The following ARMC9 variants were observed in gnomAD, a reference collection of about 807,000 sequenced individuals.
ARMC9 encodes lisH domain-containing protein ARMC9.
ARMC9 carries 94 observed loss-of-function variants against 107.0 expected under a neutral mutation model. The observed-to-expected ratio is 0.88, with a 90% CI of 0.74 to 1.04. The LOEUF is 1.04. ARMC9 is among the 50% of genes least tolerant of loss of function. ARMC9 has a pLI of 0.00. For synonymous variants in ARMC9, 380 were observed against 396.9 expected, an observed-to-expected ratio of 0.96 and a Z score of 0.51; for missense variants, 942 against 1,030.1, an observed-to-expected ratio of 0.91 and a Z score of 1.17.
In ARMC9 at chr2:231,259,002, A is replaced by T; in HGVS notation, c.926A>T (p.Asp309Val). Residue 309 changes from aspartate (D) to valine (V), a missense_variant, in exon 11 of 25, where the codon GAT (aspartate) becomes GTT (valine). Physicochemically the swap from Asp to Val is radical, Grantham distance 152. Coordinates refer to ENST00000611582, the MANE Select transcript of ARMC9 (RefSeq NM_001352754.2). ...RASLAPVKLK[D>V]VPLLPSLDYE... is the part of the protein sequence containing the mutation. Reference sequence around the variant, plus strand: ...GTGTTGCTGAGTAGGAAATTGAAGGATGTCCCATTACTGCCCTCCTTGGAT... The same window carrying T: ...GTGTTGCTGAGTAGGAAATTGAAGGTTGTCCCATTACTGCCCTCCTTGGAT... 6.2e-7 allele frequency: 1 copy of T among 1,613,484 alleles called. No homozygotes were observed. The highest frequency in any genetic ancestry group is 2.2e-5 in the East Asian group (1 of 44,884).
chr2:231,349,473 T>C (rs1243658105), intron 21 of ARMC9, among the ~76,000 whole-genome samples: 2 of 151,948 alleles, frequency 1.3e-5, no homozygotes, highest in Non-Finnish European at 2.9e-5. Flanking sequence ...AGAAGGTTAA[T>C]GGTGCCAAAA....
At chr2:231,245,863 C>T (rs566191692) in intron 9 of ARMC9, among the ~76,000 whole-genome samples, 1 of 152,308 alleles carries the variant, frequency 6.6e-6, no homozygotes, top group African/African-American at 2.4e-5. Context: ...AATGCAGAGA[C>T]ACTGGAGAAA....
At chr2:231,320,052 G>A (rs769657089) in intron 19 of ARMC9, among the ~76,000 whole-genome samples, 21 of 152,018 alleles carry the variant, frequency 1.4e-4, no homozygotes, top group Non-Finnish European at 8.8e-5. Flanking sequence ...TTGTTTACTG[G>A]CTTGCTTTTT....
At chr2:231,344,610 G>A (rs2125583045) in intron 20 of ARMC9, among the ~76,000 whole-genome samples, 1 of 152,300 alleles carries the variant, frequency 6.6e-6, no homozygotes, top group Admixed American at 6.5e-5. Flanking sequence ...TACTGCGCAT[G>A]TGGAAATGTT....
intron 19 of ARMC9, among the ~76,000 whole-genome samples, chr2:231,313,919 C>G (rs1290239870): frequency 6.7e-6 from 1 of 149,744 alleles, no homozygotes; most frequent in Non-Finnish European, 1.5e-5. Flanking sequence ...CCACTTCTGC[C>G]TAATTTTTTT....
chr2:231,361,014 A>C (rs1449903374), intron 23 of ARMC9, 131 bp downstream of exon 23: 16 of 1,358,030 alleles, frequency 1.2e-5, no homozygotes, highest in Middle Eastern at 2.6e-4. Context: ...GGGGAGGCTA[A>C]GGAGCAGTGT....
chr2:231,276,838 G>A (rs1311804740), intron 15 of ARMC9, 63 bp downstream of exon 15: 38 of 1,586,036 alleles, frequency 2.4e-5, no homozygotes, highest in Non-Finnish European at 3.3e-5. Flanking sequence ...TTGAAGCTGG[G>A]TTTCTAGTGA....
chr2:231,319,402 G>A (rs2042878764), intron 19 of ARMC9, among the ~76,000 whole-genome samples: 1 of 152,116 alleles, frequency 6.6e-6, no homozygotes, highest in Non-Finnish European at 1.5e-5. Flanking sequence ...CTCTAAATGG[G>A]CTAAAACTAA....
chr2:231,252,082 T>C (rs1299053002), intron 9 of ARMC9, among the ~76,000 whole-genome samples: 1 of 152,184 alleles, frequency 6.6e-6, no homozygotes, highest in East Asian at 1.9e-4. Flanking sequence ...TTTCAACCAG[T>C]TTCTTCACAG....
chr2:231,345,476 G>C (rs986849948), intron 21 of ARMC9, among the ~76,000 whole-genome samples: 2 of 152,152 alleles, frequency 1.3e-5, no homozygotes, highest in Admixed American at 6.6e-5. Context: ...TTTAAGACTC[G>C]AAATCAATTT....
intron 19 of ARMC9, among the ~76,000 whole-genome samples, chr2:231,308,317 A>T (rs1415560218): frequency 6.6e-6 from 1 of 152,232 alleles, no homozygotes; most frequent in East Asian, 1.9e-4. Context: ...GGATAAGAAA[A>T]CCAAAGTTCA....
intron 23 of ARMC9, among the ~76,000 whole-genome samples, chr2:231,366,509 G>T (rs1038607679): frequency 6.6e-6 from 1 of 151,978 alleles, no homozygotes; most frequent in African/African-American, 2.4e-5. Context: ...GCCAGCCTGG[G>T]CAACATTAGC....
At position 231,365,538 on chromosome 2, in the gene ARMC9, G is replaced by T. The variant is rs544395926; in HGVS notation, c.2262-4415G>T. ...GCCCCTAGGCGACTCTGCCCAGAGG[G>T]TTCATAACCGGCTCTCAGTTATTGC... is the stretch of plus-strand genomic sequence containing the variant. On this transcript the variant is annotated intron_variant, in intron 23 of 24. Coordinates refer to ENST00000611582, the MANE Select transcript of ARMC9 (RefSeq NM_001352754.2). Among the ~76,000 whole-genome samples the T allele has an allele frequency of 7.9e-5, 12 of 152,288 alleles. 1 individual carries two copies. In the South Asian group the frequency reaches 2.1e-3, roughly 26 times the overall value.
Position 231,354,000 on chromosome 2 carries a change from C to T in ARMC9, c.1995-1798C>T, listed in dbSNP as rs1275470412. On this transcript the variant is annotated intron_variant, in intron 21 of 24. Transcript: ENST00000611582. ...ATATATACACACACACACACACACA[C>T]ACACACACACACACACCATATATAG... Among the ~76,000 whole-genome samples, 170 of 148,080 alleles carry T rather than the reference C, an allele frequency of 1.1e-3. 2 individuals carry two copies. The highest frequency in any genetic ancestry group is 4.0e-3 in the African/African-American group (164 of 40,762).
At chr2:231,252,129 T>TTTTAAACG (rs1460556829) in intron 9 of ARMC9, among the ~76,000 whole-genome samples, 1 of 152,228 alleles carries the variant, frequency 6.6e-6, no homozygotes, top group African/African-American at 2.4e-5. Context: ...CAAAAGAGTG[T>TTTTAAACG]TTTAAAAGGT....
chr2:231,310,526 T>A (rs2042284156), intron 19 of ARMC9, among the ~76,000 whole-genome samples: 1 of 149,136 alleles, frequency 6.7e-6, no homozygotes, highest in African/African-American at 2.5e-5. Context: ...AGGTCGGGAG[T>A]TCACGACCAG....
chr2:231,316,960 A>G (rs1306346717), intron 19 of ARMC9, among the ~76,000 whole-genome samples: 1 of 152,080 alleles, frequency 6.6e-6, no homozygotes, highest in African/African-American at 2.4e-5. Flanking sequence ...ATGGGGTTTC[A>G]CCATGTTGGC....
intron 21 of ARMC9, among the ~76,000 whole-genome samples, chr2:231,354,834 G>T (rs75400388): frequency 0.022 from 3,388 of 152,322 alleles, 127 homozygotes; most frequent in African/African-American, 0.075. Context: ...TTGCCTTACA[G>T]ATAACTGGAG....
Position 231,345,002 on chromosome 2 carries a change from C to G in ARMC9, c.1906C>G (p.Arg636Gly). The change falls in exon 21 of 25, where the codon CGG becomes GGG. Residue 636 changes from arginine (R) to glycine (G), a missense_variant. By Grantham distance (125) the Arg-to-Gly change is moderately radical. Coordinates refer to ENST00000611582, the MANE Select transcript of ARMC9 (RefSeq NM_001352754.2). ...GIMTNTGKTR[R>G]KGLANVQWSG... is the part of the protein sequence containing the mutation. ...CATGACCAACACGGGGAAGACAAGG[C>G]GGAAGGGGCTGGCTAATGTGCAGTG... is the stretch of plus-strand genomic sequence containing the variant. The G allele has an allele frequency of 1.2e-6, 2 of 1,613,996 alleles. No individual in the cohort carries two copies. Among genetic ancestry groups the G allele is most frequent in the Non-Finnish European group, 1.7e-6 (2 of 1,179,978 alleles).
Sources: allele counts gnomAD v4.1 joint callset (sites outside exome capture counted in the v4.1 genomes callset), GRCh38; gene constraint gnomAD v4.1.1; transcripts MANE v1.5; gene names NCBI Gene and HGNC (gene_info 2026-07-23, HGNC 2026-07-21).